Variants in WDR17 observed in about 807,000 individuals in gnomAD.
The protein encoded by WDR17 is WD repeat domain 17.
A neutral mutation model predicts 161.7 loss-of-function variants in WDR17; 143 were observed. The observed-to-expected ratio is 0.88, with a 90% CI of 0.77 to 1.02. WDR17 has a LOEUF of 1.02. Ranked by LOEUF, WDR17 falls within the 50% of genes least tolerant of loss-of-function variation. The pLI, the probability that WDR17 is intolerant of heterozygous loss-of-function variation, is 0.00. For missense variants in WDR17, 1,469 were observed against 1,520.9 expected (o/e 0.97, Z 0.57); for synonymous variants, 517 against 515.6 (o/e 1.00, Z -0.04).
intron 8 of WDR17, among the ~76,000 whole-genome samples, chr4:176,136,309 G>T (rs1744395154): frequency 6.6e-6 from 1 of 151,564 alleles, no homozygotes; most frequent in Non-Finnish European, 1.5e-5. Context: ...TCCACTGTAG[G>T]TTACCTTGGC....
At chr4:176,136,344 C>CA (rs1325610497) in intron 8 of WDR17, among the ~76,000 whole-genome samples, 2 of 151,612 alleles carry the variant, frequency 1.3e-5, no homozygotes, top group Admixed American at 6.6e-5. Flanking sequence ...TTGGACCAGC[C>CA]AGTGCAGTCA....
intron 1 of WDR17, among the ~76,000 whole-genome samples, chr4:176,108,752 T>A (rs1484935948): frequency 6.6e-6 from 1 of 152,262 alleles, no homozygotes; most frequent in South Asian, 2.1e-4. Flanking sequence ...TTATTAAAAA[T>A]GTGTAAAAAA....
At chr4:176,171,858 A>T (rs1016971237) in intron 23 of WDR17, among the ~76,000 whole-genome samples, 9 of 152,170 alleles carry the variant, frequency 5.9e-5, no homozygotes, top group Non-Finnish European at 1.2e-4. Flanking sequence ...TGGCATTTCA[A>T]AATGTCAAAG....
intron 26 of WDR17, 113 bp from the exon 27 acceptor site, chr4:176,176,945 A>G (rs1751536922): frequency 2.0e-5 from 14 of 691,834 alleles, no homozygotes; most frequent in Non-Finnish European, 3.5e-5. Flanking sequence ...TATATAACGT[A>G]TAATGTCTGT....
intron 8 of WDR17, among the ~76,000 whole-genome samples, chr4:176,136,462 A>G (rs540552321): frequency 6.6e-6 from 1 of 151,868 alleles, no homozygotes; most frequent in East Asian, 1.9e-4. Flanking sequence ...ATTGTTTCAA[A>G]TCATAACACA....
At chr4:176,147,108 G>A (rs1016897828) in intron 12 of WDR17, among the ~76,000 whole-genome samples, 47 of 152,088 alleles carry the variant, frequency 3.1e-4, no homozygotes, top group African/African-American at 9.9e-4. Flanking sequence ...CTCATGATCC[G>A]CCCGTCTCAG....
intron 22 of WDR17, among the ~76,000 whole-genome samples, chr4:176,163,554 G>T (rs1749357918): frequency 6.6e-6 from 1 of 152,156 alleles, no homozygotes; most frequent in African/African-American, 2.4e-5. Context: ...AAAGTATCAT[G>T]AGACAACAAA....
chr4:176,137,086 A>G (rs1222173515), intron 8 of WDR17, among the ~76,000 whole-genome samples: 1 of 151,630 alleles, frequency 6.6e-6, no homozygotes, highest in Non-Finnish European at 1.5e-5. Flanking sequence ...AAATACTTTC[A>G]TAACCATTAA....
At chr4:176,076,204 T>A (rs1161447647) in intron 1 of WDR17, among the ~76,000 whole-genome samples, 9 of 57,828 alleles carry the variant, frequency 1.6e-4, no homozygotes, top group African/African-American at 4.3e-4. Flanking sequence ...AACTGTATGT[T>A]TACATATATA....
At chr4:176,091,016 A>G (rs979037172) in intron 1 of WDR17, among the ~76,000 whole-genome samples, 1 of 152,178 alleles carries the variant, frequency 6.6e-6, no homozygotes, top group Admixed American at 6.5e-5. Context: ...CCTTGCCCTC[A>G]TTCTGGTAAG....
intron 1 of WDR17, among the ~76,000 whole-genome samples, chr4:176,104,993 T>C (rs1738466332): frequency 1.3e-5 from 2 of 151,820 alleles, no homozygotes; most frequent in Non-Finnish European, 2.9e-5. Flanking sequence ...GTTGATTCAC[T>C]TGAGATCCAA....
At chr4:176,087,917 C>T (rs1735624355) in intron 1 of WDR17, among the ~76,000 whole-genome samples, 1 of 151,908 alleles carries the variant, frequency 6.6e-6, no homozygotes, top group African/African-American at 2.4e-5. Context: ...GATCTCGGCT[C>T]ACTGCAACCT....
chr4:176,168,584 T>C, intron 22 of WDR17, 88 bp from the exon 23 acceptor site: 1 of 1,480,478 alleles, frequency 6.8e-7, no homozygotes, highest in South Asian at 1.2e-5. Flanking sequence ...AGTGGTATAT[T>C]ATATGAATTG....
Position 176,156,150 on chromosome 4 carries a change from C to G in WDR17, c.2525+7C>G, listed in dbSNP as rs1002548924. 2 of 1,612,164 alleles carry G rather than the reference C, an allele frequency of 1.2e-6. No individual in the cohort carries two copies. The highest frequency in any genetic ancestry group is 1.7e-6 in the Non-Finnish European group (2 of 1,179,108). On this transcript the variant is annotated splice_region_variant and intron_variant, in intron 18 of 28. Coordinates refer to ENST00000508596, the MANE Select transcript of WDR17 (RefSeq NM_181265.4). ...GGAAGAAGTTAATGCAGAGGTAAGG[C>G]AGAGAGAGTCCGTGTTAAAACAGAT...
intron 9 of WDR17, among the ~76,000 whole-genome samples, chr4:176,138,722 T>C (rs945501607): frequency 2.6e-5 from 4 of 151,834 alleles, no homozygotes; most frequent in South Asian, 2.1e-4. Flanking sequence ...CAACTTGGAA[T>C]CTCACATATC....
At chr4:176,099,584 C>T (rs1737466382) in intron 1 of WDR17, among the ~76,000 whole-genome samples, 1 of 152,056 alleles carries the variant, frequency 6.6e-6, no homozygotes, top group Non-Finnish European at 1.5e-5. Context: ...TTATTTTTAA[C>T]CAACTTTTAA....
chr4:176,178,961 A>T (rs1318716138), intron 28 of WDR17, among the ~76,000 whole-genome samples: 1 of 152,226 alleles, frequency 6.6e-6, no homozygotes, highest in Non-Finnish European at 1.5e-5. Context: ...CAAGAAAATC[A>T]CATGGCTAAA....
chr4:176,150,501 G>A lies in WDR17; in HGVS notation c.2212G>A (p.Val738Ile). The change falls in exon 16 of 29, where the codon GTT becomes ATT. Residue 738 changes from valine to isoleucine, a missense_variant. Coordinates refer to ENST00000508596, the MANE Select transcript of WDR17 (RefSeq NM_181265.4). Reference sequence around the variant, plus strand: ...TGGCAGTGACAATTTATGGAACTTGGTTGCTGTGATAAAAGGACAGGATGA... The same window carrying A: ...TGGCAGTGACAATTTATGGAACTTGATTGCTGTGATAAAAGGACAGGATGA... ...PGGSDNLWNL[V>I]AVIKGQDDSL... The A allele has an allele frequency of 6.2e-7, 1 of 1,611,294 alleles. No individual in the cohort carries two copies. Among genetic ancestry groups the A allele is most frequent in the Non-Finnish European group, 8.5e-7 (1 of 1,179,044 alleles).
rs778858088 is a variant in WDR17 at position 176,163,227 on chromosome 4, C to G, written c.2924C>G (p.Ser975Cys). The G allele has an allele frequency of 4.7e-5, 76 of 1,613,590 alleles. No homozygotes were observed. The highest frequency in any genetic ancestry group is 8.5e-7 in the Non-Finnish European group (1 of 1,179,868). Residue 975 changes from serine to cysteine, a missense_variant, in exon 22 of 29, where the codon TCT becomes TGT. Transcript: ENST00000508596. ...AVCVGTVLGESAAPATHYALE... is the reference protein window; with the variant it reads ...AVCVGTVLGECAAPATHYALE... ...TGTGTGGGCACAGTACTAGGAGAGTCTGCAGCACCAGCAACCCACTATGCC... is the reference window on the plus strand; with the variant it reads ...TGTGTGGGCACAGTACTAGGAGAGTGTGCAGCACCAGCAACCCACTATGCC...
Sources: allele counts gnomAD v4.1 joint callset (sites outside exome capture counted in the v4.1 genomes callset), GRCh38; gene constraint gnomAD v4.1.1; transcripts MANE v1.5; gene names NCBI Gene and HGNC (gene_info 2026-07-23, HGNC 2026-07-21).